Variants in NTM observed in about 807,000 individuals in gnomAD.
NTM encodes neurotrimin.
A neutral mutation model predicts 42.1 loss-of-function variants in NTM; 13 were observed. The observed-to-expected ratio is 0.31, with a 90% CI of 0.20 to 0.49. The LOEUF is 0.49. Among genes scored for constraint, NTM ranks in the 20% least tolerant of loss-of-function variants. The probability of loss-of-function intolerance (pLI) is 0.99; values close to 1 mark genes in which losing one functional copy is unlikely to be tolerated. For missense variants in NTM, 373 were observed against 452.8 expected (o/e 0.82, Z 1.60); for synonymous variants, 187 against 179.2 (o/e 1.04, Z -0.35).
chr11:131,704,084 C>T (rs2076340307), intron 1 of NTM, among the ~76,000 whole-genome samples: 1 of 152,158 alleles, frequency 6.6e-6, no homozygotes, highest in African/African-American at 2.4e-5. Flanking sequence ...CCCCTGGTTC[C>T]AAGCTGGTCT....
In NTM at chr11:131,529,748, C is replaced by T. The variant is rs1280603476; in HGVS notation, c.82+158860C>T. On this transcript the variant is annotated intron_variant, in intron 1 of 8. Transcript: ENST00000683400. ...AAGCCTGGGCCTGGAGTGACGCCCACCTACCCTTAGATACCTCCCCTGTAC... is the reference window on the plus strand; with the variant it reads ...AAGCCTGGGCCTGGAGTGACGCCCATCTACCCTTAGATACCTCCCCTGTAC... 2.0e-5 allele frequency among the ~76,000 whole-genome samples: 3 copies of T among 152,142 alleles called. No individual in the cohort carries two copies. In the East Asian group the frequency reaches 5.8e-4, roughly 29 times the overall value.
rs551821482 is a variant in NTM at position 131,714,859 on chromosome 11, G to A, written c.83-196705G>A. 4.3e-4 allele frequency among the ~76,000 whole-genome samples: 66 copies of A among 152,058 alleles called. No homozygotes were observed. In the South Asian group the frequency reaches 0.011, roughly 24 times the overall value. On this transcript the variant is annotated intron_variant, in intron 1 of 8. Transcript: ENST00000683400. The stretch of plus-strand genomic sequence containing the variant: ...GTGTCCACAGCCTTTGCAGTTTCCC[G>A]TGGCTAAGAAACAAGGCATTATATG...
Position 131,393,581 on chromosome 11 carries a change from G to A in NTM, c.82+22693G>A, listed in dbSNP as rs550227707. Among the ~76,000 whole-genome samples the A allele has an allele frequency of 9.0e-4, 137 of 152,184 alleles. 7 individuals are homozygous for A. In the South Asian group the frequency reaches 0.025, roughly 28 times the overall value. On this transcript the variant is annotated intron_variant, in intron 1 of 8. Coordinates refer to ENST00000683400, the MANE Select transcript of NTM (RefSeq NM_001352005.2). Reference sequence around the variant, plus strand: ...TCCTGGGTGCTTCTTTCCTGGCCCCGTGCCCTCCTCCTACTGCCCCCACCA... The same window carrying A: ...TCCTGGGTGCTTCTTTCCTGGCCCCATGCCCTCCTCCTACTGCCCCCACCA...
intron 3 of NTM, among the ~76,000 whole-genome samples, chr11:132,169,388 T>TGCA (rs2075813232): frequency 8.2e-6 from 1 of 121,566 alleles, no homozygotes; most frequent in South Asian, 3.0e-4. Flanking sequence ...CAGGCTGGAG[T>TGCA]GCAGTGGCGG....
intron 4 of NTM, among the ~76,000 whole-genome samples, chr11:132,290,315 G>C (rs908880843): frequency 3.3e-5 from 5 of 151,902 alleles, no homozygotes; most frequent in African/African-American, 1.2e-4. Context: ...TCAGTGAGCA[G>C]ACATCTCCCA....
intron 1 of NTM, among the ~76,000 whole-genome samples, chr11:131,878,610 T>A (rs1158117351): frequency 0.014 from 122 of 8,532 alleles, 26 homozygotes; most frequent in Non-Finnish European, 0.02. Context: ...TATATATATA[T>A]ATATATATAT....
intron 1 of NTM, among the ~76,000 whole-genome samples, chr11:131,587,292 C>T (rs1240663243): frequency 6.6e-6 from 1 of 152,086 alleles, no homozygotes; most frequent in Non-Finnish European, 1.5e-5. Flanking sequence ...ACTGAAAATA[C>T]AAAACATTAG....
rs891058345 is a variant in NTM, at chr11:131,515,194, C to T, written c.82+144306C>T. 2.6e-5 allele frequency among the ~76,000 whole-genome samples: 4 copies of T among 152,306 alleles called. No individual in the cohort carries two copies. The South Asian group carries it at 8.3e-4, about 32-fold the overall frequency. The stretch of plus-strand genomic sequence containing the variant: ...CTTCCCAAAGTGTTGGGATTATAGG[C>T]ATGAGCCACTGCACACGGTGAGTGT... On this transcript the variant is annotated intron_variant, in intron 1 of 8. Transcript: ENST00000683400.
intron 2 of NTM, among the ~76,000 whole-genome samples, chr11:131,932,544 C>G (rs1470267768): frequency 6.6e-6 from 1 of 152,056 alleles, no homozygotes; most frequent in Non-Finnish European, 1.5e-5. Flanking sequence ...CATTTATCAC[C>G]CCAATTCTTC....
At chr11:132,116,373 G>T (rs1566203177) in intron 2 of NTM, among the ~76,000 whole-genome samples, 1 of 152,194 alleles carries the variant, frequency 6.6e-6, no homozygotes, top group Non-Finnish European at 1.5e-5. Flanking sequence ...GAAGTGGGGG[G>T]TGATACTTTC....
In NTM at chr11:131,625,331, T is replaced by C. The variant is rs572123859; in HGVS notation, c.82+254443T>C. 2.6e-5 allele frequency among the ~76,000 whole-genome samples: 4 copies of C among 152,228 alleles called. No individual in the cohort carries two copies. In the East Asian group the frequency reaches 7.7e-4, roughly 29 times the overall value. ...TGGACCCCTCTGAGCAAGGGGAGAC[T>C]CTCTTGTTCCATTTCTGAAAAGTGG... On this transcript the variant is annotated intron_variant, in intron 1 of 8. Coordinates refer to ENST00000683400, the MANE Select transcript of NTM (RefSeq NM_001352005.2).
chr11:131,660,960 G>A (rs1172256698), intron 1 of NTM: 2 of 1,304,104 alleles, frequency 1.5e-6, no homozygotes, highest in Non-Finnish European at 2.0e-6. Context: ...TCATCCCCAA[G>A]GCAAAGTTGG....
chr11:131,400,914 C>T (rs917762861), intron 1 of NTM, among the ~76,000 whole-genome samples: 1 of 151,544 alleles, frequency 6.6e-6, no homozygotes, highest in South Asian at 2.1e-4. Context: ...ATTGGGCCTT[C>T]TATGTTTCTG....
chr11:132,127,578 G>A (rs553350527), intron 2 of NTM, among the ~76,000 whole-genome samples: 1 of 152,306 alleles, frequency 6.6e-6, no homozygotes, highest in South Asian at 2.1e-4. Context: ...TGCATGTGCT[G>A]GTCAACAGTA....
At chr11:131,436,570 T>C (rs1949153501) in intron 1 of NTM, among the ~76,000 whole-genome samples, 1 of 152,234 alleles carries the variant, frequency 6.6e-6, no homozygotes, top group Admixed American at 6.5e-5. Context: ...TTTATTTGCG[T>C]AGAGATGTTT....
At chr11:132,281,913 A>T (rs553888225) in intron 4 of NTM, among the ~76,000 whole-genome samples, 1 of 152,318 alleles carries the variant, frequency 6.6e-6, no homozygotes, top group East Asian at 1.9e-4. Flanking sequence ...CATAGATAAA[A>T]TTTATTTTTA....
intron 4 of NTM, among the ~76,000 whole-genome samples, chr11:132,251,660 C>T (rs1378713141): frequency 4.6e-5 from 7 of 152,158 alleles, no homozygotes; most frequent in African/African-American, 9.7e-5. Flanking sequence ...TCCTTGGATG[C>T]GAAATGGCGG....
chr11:131,539,624 A>T (rs2052867744), intron 1 of NTM: 1 of 152,272 alleles, frequency 6.6e-6, no homozygotes. Flanking sequence ...TGACAAGAAG[A>T]AGTGGGCTCT....
In NTM at chr11:132,022,076, T is replaced by G. The variant is rs528563882; in HGVS notation, c.167+110428T>G. On this transcript the variant is annotated intron_variant, in intron 2 of 8. Transcript: ENST00000683400. ...CACTGGCTGTGGTGTCACTCACCAT[T>G]CAAAGTAAGTGAGCCTCTGAACCAG... is the stretch of plus-strand genomic sequence containing the variant. Among the ~76,000 whole-genome samples the G allele has an allele frequency of 2.0e-5, 3 of 152,284 alleles. No individual in the cohort carries two copies. The East Asian group carries it at 5.8e-4, about 29-fold the overall frequency.
Sources: gnomAD v4.1 joint callset for allele counts (sites outside exome capture counted in the v4.1 genomes callset) on GRCh38, gnomAD v4.1.1 for gene constraint, MANE v1.5 for transcripts, NCBI Gene and HGNC (gene_info 2026-07-23, HGNC 2026-07-21) for gene names.